The following SYNE2 variants were observed in gnomAD, a reference collection of about 807,000 sequenced individuals.
SYNE2 encodes nesprin-2.
A neutral mutation model predicts 856.3 loss-of-function variants in SYNE2; 431 were observed. That is an observed-to-expected ratio of 0.50 (90% CI 0.47 to 0.55). The LOEUF (loss-of-function observed/expected upper bound fraction) is 0.55, where lower values mean the gene tolerates loss of function less well. Ranked by LOEUF, SYNE2 falls within the 20% of genes least tolerant of loss-of-function variation. The probability of loss-of-function intolerance (pLI) is 0.00; values close to 1 mark genes in which losing one functional copy is unlikely to be tolerated. For missense variants in SYNE2, 8,129 were observed against 8,023.2 expected, an observed-to-expected ratio of 1.01 and a Z score of -0.50; for synonymous variants, 2,923 against 2,872.3, an observed-to-expected ratio of 1.02 and a Z score of -0.56.
Position 63,998,855 on chromosome 14 carries a change from G to A in SYNE2, c.3354-59G>A, listed in dbSNP as rs142480564. ...TAGGATTACAGGTGTGAGCCACTGC[G>A]CTTGGCCTGTGTTATTTTAAAAATT... On this transcript the variant is annotated intron_variant, in intron 26 of 115. Coordinates refer to ENST00000555002, the MANE Select transcript of SYNE2 (RefSeq NM_182914.3). The A allele has an allele frequency of 3.9e-4, 618 of 1,598,430 alleles. 7 individuals are homozygous for A. The African/African-American group carries it at 6.3e-3, about 16-fold the overall frequency.
At chr14:64,036,837 T>C (rs2097094464) in intron 45 of SYNE2, among the ~76,000 whole-genome samples, 1 of 152,224 alleles carries the variant, frequency 6.6e-6, no homozygotes, top group African/African-American at 2.4e-5. Context: ...TTTAAATTCA[T>C]TGACTAGGCA....
At chr14:64,012,221 G>A (rs915820072) in intron 32 of SYNE2, among the ~76,000 whole-genome samples, 5 of 152,074 alleles carry the variant, frequency 3.3e-5, no homozygotes, top group Non-Finnish European at 5.9e-5. Flanking sequence ...CCGCTACCTC[G>A]TCTCCTCCTA....
chr14:64,068,861 C>CAAAAAAAAAAAAAAAAA (rs10546690), intron 51 of SYNE2, among the ~76,000 whole-genome samples: 25 of 76,626 alleles, frequency 3.3e-4, no homozygotes, highest in African/African-American at 9.7e-4. Flanking sequence ...GACTCCGTCT[C>CAAAAAAAAAAAAAAAAA]AAAAAAAAAA....
At chr14:63,809,885 A>G (rs1167200188) in intron 1 of SYNE2, among the ~76,000 whole-genome samples, 2 of 152,168 alleles carry the variant, frequency 1.3e-5, no homozygotes, top group Non-Finnish European at 1.5e-5. Flanking sequence ...GGATTCCCAG[A>G]GGGCTCCTAA....
intron 1 of SYNE2, among the ~76,000 whole-genome samples, chr14:63,866,891 G>A (rs759300719): frequency 6.6e-6 from 1 of 152,208 alleles, no homozygotes; most frequent in African/African-American, 2.4e-5. Context: ...AGAATTGCTT[G>A]AGCCCAGAAG....
At chr14:63,877,875 CT>C (rs35343922) in intron 1 of SYNE2, among the ~76,000 whole-genome samples, 30 of 147,984 alleles carry the variant, frequency 2.0e-4, no homozygotes, top group African/African-American at 2.7e-4. Context: ...ATTAGCTACA[CT>C]TTTTTTTTTT....
intron 82 of SYNE2, among the ~76,000 whole-genome samples, chr14:64,143,310 C>T (rs778903670): frequency 6.6e-6 from 1 of 152,222 alleles, no homozygotes; most frequent in Non-Finnish European, 1.5e-5. Flanking sequence ...GAGGCCTTAA[C>T]TATCCCCGAA....
intron 1 of SYNE2, among the ~76,000 whole-genome samples, chr14:63,790,462 CA>C (rs1335389442): frequency 6.6e-6 from 1 of 152,152 alleles, no homozygotes; most frequent in East Asian, 1.9e-4. Context: ...ACCCCTCCGC[CA>C]TGTATATTTC....
intron 1 of SYNE2, among the ~76,000 whole-genome samples, chr14:63,840,277 A>G (rs1329751755): frequency 1.3e-5 from 2 of 152,314 alleles, no homozygotes; most frequent in South Asian, 2.1e-4. Flanking sequence ...TCTCAAAAAA[A>G]AAAGTAGGCT....
At chr14:63,979,095 C>A in intron 14 of SYNE2, 81 bp downstream of exon 14, 1 of 1,427,550 alleles carries the variant, frequency 7.0e-7, no homozygotes, top group Non-Finnish European at 9.8e-7. Flanking sequence ...CATGATTTCC[C>A]ATTAACTCTT....
chr14:63,925,070 G>A (rs1368896430), intron 2 of SYNE2, among the ~76,000 whole-genome samples: 1 of 152,050 alleles, frequency 6.6e-6, no homozygotes, highest in African/African-American at 2.4e-5. Flanking sequence ...GGGAGGCTGA[G>A]GCTGGTGGAT....
In SYNE2 at chr14:64,065,538, T is replaced by G. The variant is rs762715655; in HGVS notation, c.10319T>G (p.Leu3440Arg). ...ACAGAAAATGATGGCATATGTTTGC[T>G]CAAGATTGTGTCGGCTCTGTGGGAG... ...RCTENDGICLLKIVSALWEKW... is the reference protein window; with the variant it reads ...RCTENDGICLRKIVSALWEKW... Residue 3440 changes from leucine (L) to arginine (R), a missense_variant, in exon 51 of 116, where the codon CTC (leucine) becomes CGC (arginine). By Grantham distance (102) the Leu-to-Arg change is moderately radical (BLOSUM62 -2). This residue lies in a region of SYNE2 where 5,410 missense variants were observed against 5,284.8 expected (regional missense o/e 1.02). Coordinates refer to ENST00000555002, the MANE Select transcript of SYNE2 (RefSeq NM_182914.3). The G allele has an allele frequency of 1.2e-6, 2 of 1,614,178 alleles. No homozygotes were observed. The highest frequency in any genetic ancestry group is 1.7e-6 in the Non-Finnish European group (2 of 1,180,032).
chr14:63,820,349 C>G (rs575919610), intron 1 of SYNE2, among the ~76,000 whole-genome samples: 9 of 152,014 alleles, frequency 5.9e-5, no homozygotes, highest in African/African-American at 1.7e-4. Context: ...AATTGAATAT[C>G]CATGTGCAAA....
chr14:63,974,852 ATGTGTGTGTGTGTG>A (rs1289413090), intron 11 of SYNE2, among the ~76,000 whole-genome samples: 15 of 79,028 alleles, frequency 1.9e-4, no homozygotes, highest in African/African-American at 6.5e-4. Context: ...GTGTGTGTAC[ATGTGTGTGTGTGTG>A]TGTGTGTGTG....
intron 29 of SYNE2, among the ~76,000 whole-genome samples, chr14:64,002,394 C>T (rs958255541): frequency 6.6e-6 from 1 of 152,062 alleles, no homozygotes; most frequent in South Asian, 2.1e-4. Flanking sequence ...CGTATTCTAC[C>T]GTTTTCTTAT....
chr14:64,156,867 C>G (rs1351327514), intron 85 of SYNE2, among the ~76,000 whole-genome samples: 1 of 152,220 alleles, frequency 6.6e-6, no homozygotes, highest in Non-Finnish European at 1.5e-5. Flanking sequence ...CACATTTTAG[C>G]GTCCCACTTT....
chr14:64,167,102 G>A (rs578008616), intron 90 of SYNE2, 131 bp from the exon 91 acceptor site: 7 of 1,138,556 alleles, frequency 6.1e-6, no homozygotes, highest in African/African-American at 4.7e-5. Context: ...TTAGCAAGCT[G>A]TTTGACTGTG....
At chr14:63,766,491 G>A (rs2139693022) in intron 1 of SYNE2, among the ~76,000 whole-genome samples, 1 of 152,300 alleles carries the variant, frequency 6.6e-6, no homozygotes, top group African/African-American at 2.4e-5. Context: ...TGGAACAGCT[G>A]GTGTCACCTG....
intron 103 of SYNE2, among the ~76,000 whole-genome samples, chr14:64,210,783 T>C (rs2098636497): frequency 1.3e-5 from 2 of 152,236 alleles, no homozygotes; most frequent in African/African-American, 4.8e-5. Context: ...CAGAGCATGG[T>C]TGAACCCATT....
Sources: allele counts gnomAD v4.1 joint callset (sites outside exome capture counted in the v4.1 genomes callset), GRCh38; gene constraint gnomAD v4.1.1; regional missense constraint gnomAD v4.1.1; transcripts MANE v1.5; gene names NCBI Gene and HGNC (gene_info 2026-07-23, HGNC 2026-07-21).